FAM222B: variants seen among roughly 807,000 people sequenced by gnomAD.
The protein encoded by FAM222B is protein FAM222B.
In FAM222B, 12 loss-of-function variants were observed where a neutral mutation model predicts 38.0. That is an observed-to-expected ratio of 0.32 (90% CI 0.20 to 0.51). The LOEUF (loss-of-function observed/expected upper bound fraction) is 0.51, where lower values mean the gene tolerates loss of function less well. Among genes scored for constraint, FAM222B ranks in the 20% least tolerant of loss-of-function variants. FAM222B has a pLI of 0.97. For synonymous variants in FAM222B, 329 were observed against 317.2 expected (o/e 1.04, Z -0.40); for missense variants, 716 against 754.2 (o/e 0.95, Z 0.59).
chr17:28,822,099 G>A (rs2038245202), intron 1 of FAM222B, among the ~76,000 whole-genome samples: 1 of 148,306 alleles, frequency 6.7e-6, no homozygotes, highest in Admixed American at 6.7e-5. Context: ...TCGGCTCACT[G>A]CAACCTCCCC....
intron 1 of FAM222B, chr17:28,812,301 C>G (rs544748604): frequency 1.3e-5 from 2 of 152,402 alleles, no homozygotes; most frequent in Admixed American, 6.5e-5. Context: ...CCCAGCTCAC[C>G]CCCGCCCCGG....
At chr17:28,825,191 G>C (rs2038393155) in intron 1 of FAM222B, among the ~76,000 whole-genome samples, 1 of 151,970 alleles carries the variant, frequency 6.6e-6, no homozygotes, top group Non-Finnish European at 1.5e-5. Context: ...CCAGCACTTT[G>C]GGAGGCCAAA....
intron 1 of FAM222B, among the ~76,000 whole-genome samples, chr17:28,780,099 G>A (rs530496347): frequency 1.3e-5 from 2 of 152,022 alleles, no homozygotes; most frequent in Admixed American, 1.3e-4. Context: ...AGCCTCCTGG[G>A]TAGGTGGGAC....
chr17:28,821,918 T>C (rs762739311), intron 1 of FAM222B, among the ~76,000 whole-genome samples: 4 of 151,592 alleles, frequency 2.6e-5, no homozygotes, highest in African/African-American at 7.3e-5. Flanking sequence ...TGAGCCGAGA[T>C]TGCACCATTG....
intron 2 of FAM222B, among the ~76,000 whole-genome samples, chr17:28,762,394 G>A (rs538000913): frequency 2.0e-5 from 3 of 152,168 alleles, no homozygotes; most frequent in East Asian, 1.9e-4. Flanking sequence ...TTGGGAGGCC[G>A]AGGCGGGTGG....
intron 1 of FAM222B, among the ~76,000 whole-genome samples, chr17:28,833,807 C>T (rs1240018335): frequency 6.6e-6 from 1 of 152,144 alleles, no homozygotes; most frequent in Non-Finnish European, 1.5e-5. Flanking sequence ...ACTTTCACTA[C>T]TAATATGCTA....
At chr17:28,846,186 G>A (rs2039144673), upstream of FAM222B, among the ~76,000 whole-genome samples, 1 of 132,136 alleles carries the variant, frequency 7.6e-6, no homozygotes, top group South Asian at 2.6e-4. Flanking sequence ...CTGGGCGACA[G>A]AGCAAGACTC....
At chr17:28,816,302 A>C (rs1405608300) in intron 1 of FAM222B, among the ~76,000 whole-genome samples, 1 of 152,110 alleles carries the variant, frequency 6.6e-6, no homozygotes, top group Non-Finnish European at 1.5e-5. Context: ...AAAAAGCATT[A>C]ATTTTGTCAT....
At chr17:28,761,590 A>C (rs2035073617) in intron 2 of FAM222B, among the ~76,000 whole-genome samples, 1 of 152,244 alleles carries the variant, frequency 6.6e-6, no homozygotes, top group Non-Finnish European at 1.5e-5. Context: ...GCATATTAGA[A>C]GGAAAATGGG....
rs566664779 is a variant in FAM222B at position 28,812,671 on chromosome 17, G to A, written c.-41+30011C>T. Among the ~76,000 whole-genome samples, 11 of 151,592 alleles carry A rather than the reference G, an allele frequency of 7.3e-5. No individual in the cohort carries two copies. The East Asian group carries it at 2.1e-3, about 29-fold the overall frequency. On this transcript the variant is annotated intron_variant, in intron 1 of 2. Transcript: ENST00000581407. ...TGTTAGCGCTGCCCCCATCTCTCCC[G>A]GCCCCTACCCCAAAGCCAGGAGCCA...
chr17:28,799,001 A>G (rs1460263681), intron 1 of FAM222B, among the ~76,000 whole-genome samples: 1 of 140,916 alleles, frequency 7.1e-6, no homozygotes, highest in Non-Finnish European at 1.5e-5. Flanking sequence ...TTTGGGATGG[A>G]GTCTCACTCT....
At chr17:28,814,838 A>G (rs1289915120) in intron 1 of FAM222B, among the ~76,000 whole-genome samples, 2 of 149,142 alleles carry the variant, frequency 1.3e-5, no homozygotes, top group Non-Finnish European at 1.5e-5. Context: ...CAACAGCACA[A>G]TCTTGGCTCA....
intron 2 of FAM222B, among the ~76,000 whole-genome samples, chr17:28,762,339 AG>A (rs993267140): frequency 4.2e-4 from 64 of 152,256 alleles, no homozygotes; most frequent in African/African-American, 1.5e-3. Flanking sequence ...TCTTAAAAAA[AG>A]TTTTCTGCTG....
chr17:28,766,742 G>A (rs2035348189), intron 1 of FAM222B, 35 bp from the exon 2 acceptor site: 1 of 1,225,482 alleles, frequency 8.2e-7, no homozygotes, highest in African/African-American at 1.5e-5. Context: ...TGAAACACAA[G>A]GCAACTCATT....
intron 1 of FAM222B, among the ~76,000 whole-genome samples, chr17:28,775,866 G>C (rs2035865184): frequency 6.8e-6 from 1 of 146,934 alleles, no homozygotes; most frequent in Admixed American, 6.9e-5. Context: ...GGGTGACAGA[G>C]CAAGACTCCA....
chr17:28,791,558 GCAAAAAACAAAAAA>G (rs541950464), intron 1 of FAM222B, among the ~76,000 whole-genome samples: 1 of 151,028 alleles, frequency 6.6e-6, no homozygotes, highest in Admixed American at 6.6e-5. Context: ...CCATTGGAAA[GCAAAAAACAAAAAA>G]CAAAAAACAA....
At chr17:28,822,163 G>A (rs928945718) in intron 1 of FAM222B, among the ~76,000 whole-genome samples, 8 of 149,860 alleles carry the variant, frequency 5.3e-5, no homozygotes, top group South Asian at 2.1e-4. Flanking sequence ...CTGGGACTAC[G>A]GGCACGCGCC....
intron 1 of FAM222B, among the ~76,000 whole-genome samples, chr17:28,782,078 C>CCTG (rs2036189102): frequency 1.3e-5 from 2 of 152,158 alleles, no homozygotes; most frequent in Admixed American, 6.5e-5. Flanking sequence ...GTAATTCCAG[C>CCTG]ACTTGGGAGC....
At chr17:28,766,222 A>G (rs2035320963) in intron 2 of FAM222B, among the ~76,000 whole-genome samples, 1 of 152,164 alleles carries the variant, frequency 6.6e-6, no homozygotes, top group Non-Finnish European at 1.5e-5. Context: ...TGGGAGGCCA[A>G]GTTAGGGGCA....
Sources: gnomAD v4.1 joint callset for allele counts (sites outside exome capture counted in the v4.1 genomes callset) on GRCh38, gnomAD v4.1.1 for gene constraint, MANE v1.5 for transcripts, NCBI Gene and HGNC (gene_info 2026-07-23, HGNC 2026-07-21) for gene names.